DLC1: variants seen among roughly 807,000 people sequenced by gnomAD.
DLC1 encodes DLC1 Rho GTPase activating protein, also known as rho GTPase-activating protein 7.
A neutral mutation model predicts 140.3 loss-of-function variants in DLC1; 54 were observed. That is an observed-to-expected ratio of 0.38 (90% CI 0.31 to 0.48). DLC1 has a LOEUF of 0.48. Ranked by LOEUF, DLC1 falls within the 20% of genes least tolerant of loss-of-function variation. The pLI is 0.96. For missense variants in DLC1, 2,536 were observed against 1,907.0 expected (o/e 1.33, Z -6.14); for synonymous variants, 986 against 728.1 (o/e 1.35, Z -5.70).
At chr8:13,290,999 C>G (rs181432930) in intron 5 of DLC1, among the ~76,000 whole-genome samples, 1 of 152,320 alleles carries the variant, frequency 6.6e-6, no homozygotes, top group Non-Finnish European at 1.5e-5. Context: ...ACCTCTGCCT[C>G]CCGGGTTCAA....
At chr8:13,317,034 G>T (rs1391054480) in intron 4 of DLC1, among the ~76,000 whole-genome samples, 1 of 152,038 alleles carries the variant, frequency 6.6e-6, no homozygotes, top group Non-Finnish European at 1.5e-5. Context: ...TGTAATAAGT[G>T]AAGAAAGTCT....
intron 5 of DLC1, among the ~76,000 whole-genome samples, chr8:13,143,813 T>TGAGAGGGAGAGAGAGAGA (rs1823202490): frequency 7.8e-6 from 1 of 128,642 alleles, no homozygotes; most frequent in African/African-American, 3.1e-5. Context: ...AATGAAAAGC[T>TGAGAGGGAGAGAGAGAGA]GAGAGAGAGA....
chr8:13,231,042 G>A (rs1829024667), intron 5 of DLC1, among the ~76,000 whole-genome samples: 1 of 152,098 alleles, frequency 6.6e-6, no homozygotes, highest in South Asian at 2.1e-4. Flanking sequence ...ATGGCTAGCT[G>A]GGAAGAGAGG....
intron 6 of DLC1, 86 bp downstream of exon 6, chr8:13,115,500 G>T (rs1820473907): frequency 2.5e-6 from 3 of 1,221,980 alleles, no homozygotes; most frequent in Admixed American, 2.5e-5. Context: ...CGATAAAACT[G>T]CTGAAAATAA....
At chr8:13,601,747 A>C (rs765516816) in intron 1 of DLC1, among the ~76,000 whole-genome samples, 1 of 151,648 alleles carries the variant, frequency 6.6e-6, no homozygotes, top group Non-Finnish European at 1.5e-5. Context: ...AACCTGAGAC[A>C]ATTAATTTTT....
intron 4 of DLC1, among the ~76,000 whole-genome samples, chr8:13,352,034 A>G (rs1467727701): frequency 6.6e-6 from 1 of 152,230 alleles, no homozygotes; most frequent in Non-Finnish European, 1.5e-5. Context: ...GTGCCCAGCC[A>G]TATGTCTCTA....
chr8:13,152,674 G>C (rs1230467350), intron 5 of DLC1, among the ~76,000 whole-genome samples: 1 of 151,792 alleles, frequency 6.6e-6, no homozygotes, highest in Non-Finnish European at 1.5e-5. Context: ...AGGGACAGTG[G>C]CTTGGGCCCA....
At chr8:13,155,722 C>A (rs914658346) in intron 5 of DLC1, among the ~76,000 whole-genome samples, 5 of 152,126 alleles carry the variant, frequency 3.3e-5, no homozygotes, top group African/African-American at 1.2e-4. Flanking sequence ...AGGTCTCCTG[C>A]TAAATATTAC....
chr8:13,145,596 T>G (rs1294099288), intron 5 of DLC1, among the ~76,000 whole-genome samples: 1 of 152,154 alleles, frequency 6.6e-6, no homozygotes, highest in African/African-American at 2.4e-5. Flanking sequence ...CAGCATTATA[T>G]TAGGAAAAAC....
At chr8:13,245,747 C>A (rs988112745) in intron 5 of DLC1, among the ~76,000 whole-genome samples, 1 of 152,094 alleles carries the variant, frequency 6.6e-6, no homozygotes, top group Non-Finnish European at 1.5e-5. Context: ...GTCACCCAGG[C>A]TGGAGTGCAG....
intron 5 of DLC1, among the ~76,000 whole-genome samples, chr8:13,209,412 G>A (rs992267434): frequency 1.8e-4 from 28 of 152,126 alleles, no homozygotes; most frequent in African/African-American, 6.5e-4. Context: ...AGGAAAAGTA[G>A]CTAAGCTCAC....
intron 5 of DLC1, among the ~76,000 whole-genome samples, chr8:13,156,702 GCTAAA>G (rs1824284893): frequency 1.3e-5 from 2 of 152,140 alleles, no homozygotes; most frequent in African/African-American, 4.8e-5. Context: ...ATCTGATGTG[GCTAAA>G]GAGAATGTTC....
At chr8:13,448,784 C>T (rs189206175) in intron 2 of DLC1, among the ~76,000 whole-genome samples, 15 of 152,120 alleles carry the variant, frequency 9.9e-5, no homozygotes, top group Admixed American at 7.9e-4. Flanking sequence ...TCTTTTAGAA[C>T]AGTTTTTGCA....
At chr8:13,321,605 A>T (rs1382192799) in intron 4 of DLC1, among the ~76,000 whole-genome samples, 2 of 148,578 alleles carry the variant, frequency 1.3e-5, no homozygotes, top group Non-Finnish European at 3.0e-5. Flanking sequence ...TGGTAAAGAG[A>T]ATGTCCCCAA....
intron 5 of DLC1, among the ~76,000 whole-genome samples, chr8:13,267,183 T>G (rs1830721739): frequency 6.6e-6 from 1 of 152,244 alleles, no homozygotes; most frequent in Non-Finnish European, 1.5e-5. Context: ...AAAGACGGTC[T>G]TATCAGAGCT....
At position 13,102,792 on chromosome 8, in the gene DLC1, G is replaced by C. The variant is rs1420586882; in HGVS notation, c.1564C>G (p.Arg522Gly). ...TATTATGCAATTTGTATACTCACTC[G>C]TTTCCGATGAGGACTAATTTCTAGC... Reference protein sequence around the residue: ...MKLEISPHRKRSDDSDEDEPC... With the variant: ...MKLEISPHRKGSDDSDEDEPC... Residue 522 changes from arginine (R) to glycine (G), a missense_variant and splice_region_variant, in exon 8 of 18, where the codon CGA (arginine) becomes GGA (glycine). Coordinates refer to ENST00000276297, the MANE Select transcript of DLC1 (RefSeq NM_182643.3). 6.2e-7 allele frequency: 1 copy of C among 1,613,588 alleles called. No individual in the cohort carries two copies. The highest frequency in any genetic ancestry group is 1.3e-5 in the African/African-American group (1 of 74,990).
At chr8:13,516,666 G>T (rs1238178242), upstream of DLC1, among the ~76,000 whole-genome samples, 2 of 152,200 alleles carry the variant, frequency 1.3e-5, no homozygotes, top group Non-Finnish European at 2.9e-5. Context: ...CTAAAAACAT[G>T]AGCATTTAGG....
chr8:13,244,955 C>A (rs1291422828), intron 5 of DLC1, among the ~76,000 whole-genome samples: 2 of 152,174 alleles, frequency 1.3e-5, no homozygotes, highest in East Asian at 3.8e-4. Flanking sequence ...GTTTCTAGAA[C>A]AAATGCTGGA....
chr8:13,587,581 A>AAT (rs1243576965), intron 1 of DLC1, among the ~76,000 whole-genome samples: 1,567 of 132,054 alleles, frequency 0.012, 10 homozygotes, highest in Middle Eastern at 0.032. Context: ...AGAGAGAGAA[A>AAT]ATATATATAT....
Sources: gnomAD v4.1 joint callset for allele counts (sites outside exome capture counted in the v4.1 genomes callset) on GRCh38, gnomAD v4.1.1 for gene constraint, MANE v1.5 for transcripts, NCBI Gene and HGNC (gene_info 2026-07-23, HGNC 2026-07-21) for gene names.